HNRNPDL: variants seen among roughly 807,000 people sequenced by gnomAD.
The protein encoded by HNRNPDL is heterogeneous nuclear ribonucleoprotein D like.
A neutral mutation model predicts 48.0 loss-of-function variants in HNRNPDL; 18 were observed. The ratio of observed to expected loss-of-function variants is 0.38; its 90% CI spans 0.26 to 0.56. The LOEUF (loss-of-function observed/expected upper bound fraction) is 0.56, where lower values mean the gene tolerates loss of function less well. HNRNPDL is among the 20% of genes least tolerant of loss of function. The pLI, the probability that HNRNPDL is intolerant of heterozygous loss-of-function variation, is 0.77. For missense variants in HNRNPDL, 553 were observed against 540.7 expected, an observed-to-expected ratio of 1.02 and a Z score of -0.23; for synonymous variants, 306 against 207.3, an observed-to-expected ratio of 1.48 and a Z score of -4.09.
Position 82,429,741 on chromosome 4 carries a change from G to T in HNRNPDL, c.-51C>A. 1 of 1,282,812 alleles carries T rather than the reference G, an allele frequency of 7.8e-7. No homozygotes were observed. The highest frequency in any genetic ancestry group is 1.0e-6 in the Non-Finnish European group (1 of 1,003,108). The allele number at this position is 1,282,812 out of a possible 1,614,324, so 79.5% of individuals were successfully genotyped here. ...GCCACGCGTGAGGGGACGCGGGCTT[G>T]GGAGAAGAGAAGAATCAGAAGAGAA... On this transcript the variant is annotated 5_prime_UTR_variant, in exon 1 of 8. Transcript: ENST00000295470.
chr4:82,425,315 G>A (rs1451562961), intron 7 of HNRNPDL: 1 of 152,098 alleles, frequency 6.6e-6, no homozygotes, highest in African/African-American at 2.4e-5. Context: ...GCTATAAAAA[G>A]AAAAAGCAAG....
chr4:82,427,529 T>G lies in HNRNPDL; in HGVS notation c.810A>C (p.Thr270=). Reference sequence around the variant, plus strand: ...TAAAACAAAATCCTCTTCTTTCATTTGTTTTTGTATCCATGGGAAGTTCAA... The same window carrying G: ...TAAAACAAAATCCTCTTCTTTCATTGGTTTTTGTATCCATGGGAAGTTCAA... ...ENIELPMDTK[T]NERRGFCFIT... Residue 270 remains threonine (T), a synonymous_variant, in exon 4 of 8, where the codon ACA becomes ACC. Transcript: ENST00000295470. 6.2e-7 allele frequency: 1 copy of G among 1,608,908 alleles called. No individual in the cohort carries two copies. The highest frequency in any genetic ancestry group is 8.5e-7 in the Non-Finnish European group (1 of 1,178,292).
In HNRNPDL at chr4:82,428,187, A is replaced by G. The variant is rs1462720246; in HGVS notation, c.613-8T>C. On this transcript the variant is annotated splice_polypyrimidine_tract_variant and splice_region_variant and intron_variant, in intron 2 of 7. Transcript: ENST00000295470. ...TTCTTTCAGTTCCAAAACCTACAAG[A>G]CAGATTTATTTAATCTGACAGCACC... 2.5e-6 allele frequency: 4 copies of G among 1,613,198 alleles called. No homozygotes were observed. Among genetic ancestry groups the G allele is most frequent in the Non-Finnish European group, 3.4e-6 (4 of 1,179,660 alleles).
chr4:82,423,615 G>C lies in HNRNPDL; in HGVS notation c.*1291C>G, dbSNP rs1721284157. ...GTGTGAGATCAACTACTCTGCCTGT[G>C]AACACGTATGCCAATCCCAGTAAAT... On this transcript the variant is annotated 3_prime_UTR_variant, in exon 8 of 8. Coordinates refer to ENST00000295470, the MANE Select transcript of HNRNPDL (RefSeq NM_031372.4). 1 of 152,078 alleles carries C rather than the reference G, an allele frequency of 6.6e-6. No homozygotes were observed. The highest frequency in any genetic ancestry group is 6.5e-5 in the Admixed American group (1 of 15,272). The allele number at this position is 152,078 out of a possible 1,614,324, so 9.4% of individuals were successfully genotyped here.
At position 82,428,172 on chromosome 4, in the gene HNRNPDL, T is replaced by G. The variant is rs1721496740; in HGVS notation, c.620A>C (p.Glu207Ala). ...GCCATCCAGTTTGTGTTCTTTCAGT[T>G]CCAAAACCTACAAGACAGATTTATT... ...KDAASVDKVL[E>A]LKEHKLDGKL... is the part of the protein sequence containing the mutation. The change falls in exon 3 of 8, where the codon GAA becomes GCA. Residue 207 changes from glutamate (E) to alanine (A), a missense_variant. Physicochemically the swap from Glu to Ala is moderately radical, Grantham distance 107 (BLOSUM62 -1). This residue lies in a region of HNRNPDL where 43 missense variants were observed against 104.0 expected (regional missense o/e 0.41). Coordinates refer to ENST00000295470, the MANE Select transcript of HNRNPDL (RefSeq NM_031372.4). 1 of 1,613,752 alleles carries G rather than the reference T, an allele frequency of 6.2e-7. No homozygotes were observed. The highest frequency in any genetic ancestry group is 1.1e-5 in the South Asian group (1 of 91,050).
chr4:82,427,553 A>C lies in HNRNPDL; in HGVS notation c.786T>G (p.Ile262Met). The change falls in exon 4 of 8, where the codon ATT becomes ATG. Residue 262 changes from isoleucine (I) to methionine (M), a missense_variant. Physicochemically the swap from Ile to Met is conservative, Grantham distance 10. Transcript: ENST00000295470. ...TTGTTTTTGTATCCATGGGAAGTTC[A>C]ATATTTTCAATCTGAAATCGAGATG... ...YFGAFGEIEN[I>M]ELPMDTKTNE... 1 of 1,608,980 alleles carries C rather than the reference A, an allele frequency of 6.2e-7. No homozygotes were observed. Among genetic ancestry groups the C allele is most frequent in the Non-Finnish European group, 8.5e-7 (1 of 1,178,722 alleles).
chr4:82,425,004 C>T (rs537798376), intron 7 of HNRNPDL, 121 bp from the exon 8 acceptor site: 1 of 152,270 alleles, frequency 6.6e-6, no homozygotes, highest in South Asian at 2.1e-4. Context: ...AGATCATATG[C>T]ATATTTATTG....
chr4:82,427,882 C>A, intron 3 of HNRNPDL, 136 bp downstream of exon 3: 1 of 840,810 alleles, frequency 1.2e-6, no homozygotes, highest in South Asian at 1.8e-5. Context: ...AATCAAGGTA[C>A]AGTCACTGGA....
chr4:82,429,102 T>C (rs1048114275), intron 1 of HNRNPDL, 146 bp downstream of exon 1: 2 of 742,144 alleles, frequency 2.7e-6, no homozygotes, highest in Admixed American at 2.1e-5. Flanking sequence ...TCTCTTACTT[T>C]CCTCTTCCCT....
Position 82,429,907 on chromosome 4 carries a change from T to G in HNRNPDL, c.-217A>C. On this transcript the variant is annotated 5_prime_UTR_variant, in exon 1 of 8. Coordinates refer to ENST00000295470, the MANE Select transcript of HNRNPDL (RefSeq NM_031372.4). Reference sequence around the variant, plus strand: ...CCAAAAAGCCGTCAACCCCGCCTTTTTCTGCCCTCGGTTCGCCAGTGCGGA... The same window carrying G: ...CCAAAAAGCCGTCAACCCCGCCTTTGTCTGCCCTCGGTTCGCCAGTGCGGA... 1 of 376,826 alleles carries G rather than the reference T, an allele frequency of 2.7e-6. No homozygotes were observed. The highest frequency in any genetic ancestry group is 4.7e-6 in the Non-Finnish European group (1 of 213,144). The allele number at this position is 376,826 out of a possible 1,614,324, so 23.3% of individuals were successfully genotyped here.
intron 7 of HNRNPDL, chr4:82,425,804 A>C: frequency 2.1e-6 from 1 of 481,670 alleles, no homozygotes; most frequent in Non-Finnish European, 3.7e-6. Context: ...CCTGGTACAC[A>C]AAAGCAAACA....
chr4:82,425,376 TACA>T (rs1721374199), intron 7 of HNRNPDL: 1 of 152,236 alleles, frequency 6.6e-6, no homozygotes, highest in African/African-American at 2.4e-5. Flanking sequence ...ACAATTGAAA[TACA>T]ACACTAAACA....
chr4:82,427,362 T>G, intron 4 of HNRNPDL, 58 bp from the exon 5 acceptor site: 1 of 1,533,940 alleles, frequency 6.5e-7, no homozygotes, highest in Non-Finnish European at 8.8e-7. Flanking sequence ...TTAAATCATT[T>G]TATTTTTCTC....
chr4:82,428,886 T>C (rs1721539656), intron 1 of HNRNPDL, among the ~76,000 whole-genome samples: 2 of 152,164 alleles, frequency 1.3e-5, no homozygotes, highest in African/African-American at 4.8e-5. Context: ...CCTCTAAAAC[T>C]CTTCCCAGGA....
At chr4:82,429,066 C>T (rs566256694) in intron 1 of HNRNPDL, among the ~76,000 whole-genome samples, 182 bp downstream of exon 1, 68 of 152,288 alleles carry the variant, frequency 4.5e-4, no homozygotes, top group Admixed American at 1.0e-3. Context: ...CCCACTCTTC[C>T]CGGGTCTCTC....
Position 82,424,476 on chromosome 4 carries a change from TGGA to T in HNRNPDL, c.*427_*429del, listed in dbSNP as rs556292111. On this transcript the variant is annotated 3_prime_UTR_variant, in exon 8 of 8. Coordinates refer to ENST00000295470, the MANE Select transcript of HNRNPDL (RefSeq NM_031372.4). ...AAGAGCATAAAATACACCTACAAAT[TGGA>T]GAAGAGGGTGACGCTGGCTGGCTAT... The T allele has an allele frequency of 3.3e-4, 51 of 152,698 alleles. No individual in the cohort carries two copies. The highest frequency in any genetic ancestry group is 1.1e-3 in the African/African-American group (47 of 41,544). The allele number at this position is 152,698 out of a possible 1,614,324, so 9.5% of individuals were successfully genotyped here.
At position 82,426,512 on chromosome 4, in the gene HNRNPDL, C is replaced by A. The variant is rs758100589; in HGVS notation, c.1143G>T (p.Gly381=). Residue 381 remains glycine, a synonymous_variant, in exon 6 of 8, where the codon GGG becomes GGT. Transcript: ENST00000295470. ...CATATCCATAGTTCCCATAGTTATA[C>A]CCAGTATAATCATATCCGCCATAGC... ...YSGYGGYDYT[G]YNYGNYGYGQ... The A allele has an allele frequency of 6.2e-7, 1 of 1,612,650 alleles. No individual in the cohort carries two copies. The highest frequency in any genetic ancestry group is 1.3e-5 in the African/African-American group (1 of 74,892).
intron 3 of HNRNPDL, 150 bp downstream of exon 3, chr4:82,427,868 A>G (rs1373783991): frequency 1.3e-6 from 1 of 798,170 alleles, no homozygotes; most frequent in Non-Finnish European, 2.0e-6. Context: ...CAGAGCAGCA[A>G]TGAAATCAAG....
Position 82,429,676 on chromosome 4 carries a change from G to C in HNRNPDL, c.15C>G (p.Pro5=). Residue 5 remains proline (P), a synonymous_variant, in exon 1 of 8, where the codon CCC becomes CCG. Coordinates refer to ENST00000295470, the MANE Select transcript of HNRNPDL (RefSeq NM_031372.4). MEVP[P]RLSHVPPPLF... Reference sequence around the variant, plus strand: ...ATGGCGGCGGCACATGGGAAAGCCTGGGCGGGACCTCCATCGCGGCCCTCC... The same window carrying C: ...ATGGCGGCGGCACATGGGAAAGCCTCGGCGGGACCTCCATCGCGGCCCTCC... 2.2e-6 allele frequency: 3 copies of C among 1,357,692 alleles called. No individual in the cohort carries two copies. The South Asian group carries it at 5.6e-5, about 25-fold the overall frequency. 84.1% of individuals were successfully genotyped at this position (1,357,692 alleles called of 1,614,324 possible).
Sources: allele counts gnomAD v4.1 joint callset (sites outside exome capture counted in the v4.1 genomes callset), GRCh38; gene constraint gnomAD v4.1.1; regional missense constraint gnomAD v4.1.1; transcripts MANE v1.5; gene names NCBI Gene and HGNC (gene_info 2026-07-23, HGNC 2026-07-21).